HMGCLL1: variants seen among roughly 807,000 people sequenced by gnomAD.
HMGCLL1 encodes the protein 3-hydroxymethyl-3-methylglutaryl-CoA lyase, cytoplasmic.
Under a neutral mutation model 39.1 loss-of-function variants are expected in HMGCLL1, and 36 were observed. The ratio of observed to expected loss-of-function variants is 0.92; its 90% CI spans 0.71 to 1.22. The LOEUF (loss-of-function observed/expected upper bound fraction) is 1.22, where lower values mean the gene tolerates loss of function less well. Among genes scored for constraint, HMGCLL1 ranks in the 50% most tolerant of loss-of-function variants. The pLI, the probability that HMGCLL1 is intolerant of heterozygous loss-of-function variation, is 0.00. For synonymous variants in HMGCLL1, 149 were observed against 144.0 expected, an observed-to-expected ratio of 1.03 and a Z score of -0.25; for missense variants, 451 against 416.5, an observed-to-expected ratio of 1.08 and a Z score of -0.72.
chr6:55,509,903 A>G (rs1228406774), intron 5 of HMGCLL1, among the ~76,000 whole-genome samples: 1 of 151,954 alleles, frequency 6.6e-6, no homozygotes, highest in Non-Finnish European at 1.5e-5. Context: ...GATTCATTAC[A>G]GTTCTCGGAA....
chr6:55,676,761 A>G, the HMGCLL1 span, among the ~76,000 whole-genome samples: 1 of 152,262 alleles, frequency 6.6e-6, no homozygotes, highest in East Asian at 1.9e-4. Context: ...AGTTTCCATA[A>G]AAGAACCCAT....
chr6:55,575,898 T>C (rs1183399472), intron 1 of HMGCLL1, among the ~76,000 whole-genome samples: 1 of 152,236 alleles, frequency 6.6e-6, no homozygotes. Flanking sequence ...ATCATTTTGT[T>C]GGACCTTGAA....
intron 5 of HMGCLL1, chr6:55,512,845 G>A (rs1767533625): frequency 6.6e-6 from 1 of 151,958 alleles, no homozygotes; most frequent in African/African-American, 2.4e-5. Context: ...ATTACCAATC[G>A]CTATGCACTT....
At chr6:55,546,161 CCTCAATA>C (rs920220551) in intron 1 of HMGCLL1, among the ~76,000 whole-genome samples, 2 of 152,058 alleles carry the variant, frequency 1.3e-5, no homozygotes, top group African/African-American at 4.8e-5. Context: ...AAAAATTGTT[CCTCAATA>C]CTATTATTAA....
the HMGCLL1 span, among the ~76,000 whole-genome samples, chr6:55,588,689 A>G: frequency 1.3e-5 from 2 of 152,168 alleles, no homozygotes; most frequent in Non-Finnish European, 2.9e-5. Flanking sequence ...AGAGAGAAGA[A>G]TCAAATAGAC....
chr6:55,548,125 C>A (rs1770098208), intron 1 of HMGCLL1, among the ~76,000 whole-genome samples: 2 of 151,934 alleles, frequency 1.3e-5, no homozygotes, highest in African/African-American at 4.8e-5. Context: ...ACTCAATAAA[C>A]AATATGTCTT....
chr6:55,436,714 A>G (rs942247288), intron 8 of HMGCLL1, among the ~76,000 whole-genome samples: 1 of 152,098 alleles, frequency 6.6e-6, no homozygotes, highest in African/African-American at 2.4e-5. Context: ...ATAGACAAGT[A>G]TAAAAACTCA....
the HMGCLL1 span, among the ~76,000 whole-genome samples, chr6:55,676,449 G>T: frequency 6.6e-6 from 1 of 152,134 alleles, no homozygotes; most frequent in Non-Finnish European, 1.5e-5. Context: ...ACCTGTGGAT[G>T]CTAAGTTCAT....
At chr6:55,654,309 T>C in the HMGCLL1 span, among the ~76,000 whole-genome samples, 1 of 150,960 alleles carries the variant, frequency 6.6e-6, no homozygotes, top group Non-Finnish European at 1.5e-5. Flanking sequence ...TGTGTTTATC[T>C]TATAAAAATT....
At chr6:55,627,549 A>G in the HMGCLL1 span, among the ~76,000 whole-genome samples, 1 of 151,892 alleles carries the variant, frequency 6.6e-6, no homozygotes, top group East Asian at 1.9e-4. Context: ...AAGGATACAA[A>G]GTATTAATCC....
At chr6:55,544,117 C>A (rs866960952) in intron 1 of HMGCLL1, among the ~76,000 whole-genome samples, 14 of 152,150 alleles carry the variant, frequency 9.2e-5, no homozygotes, top group African/African-American at 3.4e-4. Flanking sequence ...CCACAATAAC[C>A]CACTGGGAGC....
chr6:55,515,676 A>C (rs544642101), intron 4 of HMGCLL1, among the ~76,000 whole-genome samples: 1 of 152,268 alleles, frequency 6.6e-6, no homozygotes, highest in South Asian at 2.1e-4. Flanking sequence ...GGTAAGATAC[A>C]TTCTTTACTT....
At chr6:55,574,490 A>G (rs1171345000) in intron 1 of HMGCLL1, among the ~76,000 whole-genome samples, 1 of 150,148 alleles carries the variant, frequency 6.7e-6, no homozygotes, top group Non-Finnish European at 1.5e-5. Flanking sequence ...GTATGTTGAC[A>G]TCTTATAGAC....
chr6:55,568,786 G>A (rs1045308697), intron 1 of HMGCLL1, among the ~76,000 whole-genome samples: 2 of 152,050 alleles, frequency 1.3e-5, no homozygotes, highest in Non-Finnish European at 2.9e-5. Flanking sequence ...TGGGTCATAT[G>A]AGAGTAACCC....
At chr6:55,590,764 A>G in the HMGCLL1 span, among the ~76,000 whole-genome samples, 1 of 151,972 alleles carries the variant, frequency 6.6e-6, no homozygotes. Flanking sequence ...CATATATACT[A>G]AAGACACTAA....
intron 1 of HMGCLL1, among the ~76,000 whole-genome samples, chr6:55,559,637 A>G (rs1770838398): frequency 6.6e-6 from 1 of 152,210 alleles, no homozygotes; most frequent in Non-Finnish European, 1.5e-5. Flanking sequence ...ACCTGCAATT[A>G]TTATAAGCCA....
chr6:55,506,437 A>G (rs1176635819), intron 5 of HMGCLL1, among the ~76,000 whole-genome samples: 1 of 151,708 alleles, frequency 6.6e-6, no homozygotes. Flanking sequence ...CTGGTAGAGT[A>G]GCCTTCCCTT....
At chr6:55,662,920 G>A in the HMGCLL1 span, among the ~76,000 whole-genome samples, 2 of 151,616 alleles carry the variant, frequency 1.3e-5, no homozygotes, top group African/African-American at 4.8e-5. Flanking sequence ...ATCTTGGGAA[G>A]GGGTATGTGT....
intron 5 of HMGCLL1, chr6:55,513,301 T>C (rs987485744): frequency 1.3e-5 from 2 of 152,148 alleles, no homozygotes; most frequent in African/African-American, 4.8e-5. Context: ...TTATTTTCCA[T>C]GTCCTGTAAT....
Sources: allele counts gnomAD v4.1 joint callset (sites outside exome capture counted in the v4.1 genomes callset), GRCh38; gene constraint gnomAD v4.1.1; transcripts MANE v1.5; gene names NCBI Gene and HGNC (gene_info 2026-07-23, HGNC 2026-07-21).